Variants in APPBP2 observed in about 807,000 individuals in gnomAD.
APPBP2 encodes the protein amyloid beta precursor protein binding protein 2, also known as amyloid protein-binding protein 2.
A neutral mutation model predicts 76.0 loss-of-function variants in APPBP2; 15 were observed. The ratio of observed to expected loss-of-function variants is 0.20; its 90% CI spans 0.13 to 0.30. The LOEUF (loss-of-function observed/expected upper bound fraction) is 0.30. Among genes scored for constraint, APPBP2 ranks in the 10% least tolerant of loss-of-function variants. The pLI is 1.00. For missense variants in APPBP2, 401 were observed against 687.2 expected, an observed-to-expected ratio of 0.58 and a Z score of 4.66; for synonymous variants, 222 against 242.2, an observed-to-expected ratio of 0.92 and a Z score of 0.77.
At chr17:60,493,826 AGACAG>A (rs534277331) in intron 3 of APPBP2, among the ~76,000 whole-genome samples, 16 of 152,032 alleles carry the variant, frequency 1.1e-4, no homozygotes, top group African/African-American at 3.9e-4. Context: ...TTTTTACTAG[AGACAG>A]GATTTCGCCA....
At chr17:60,464,231 A>AGTTT in intron 5 of APPBP2, 121 bp from the exon 6 acceptor site, 1 of 685,540 alleles carries the variant, frequency 1.5e-6, no homozygotes, top group Non-Finnish European at 2.5e-6. Flanking sequence ...AAATATTTAC[A>AGTTT]GTTAGAATTT....
At chr17:60,504,249 GA>G (rs1406188485) in intron 1 of APPBP2, among the ~76,000 whole-genome samples, 2 of 152,048 alleles carry the variant, frequency 1.3e-5, no homozygotes, top group African/African-American at 4.8e-5. Flanking sequence ...CTTATTTCTA[GA>G]AGTAGGCAAA....
At chr17:60,491,809 G>A (rs987713249) in intron 3 of APPBP2, among the ~76,000 whole-genome samples, 2 of 152,122 alleles carry the variant, frequency 1.3e-5, no homozygotes, top group African/African-American at 2.4e-5. Context: ...CTCAGGATGC[G>A]ATAGAAAAGA....
At chr17:60,507,945 A>T (rs1251902046) in intron 1 of APPBP2, among the ~76,000 whole-genome samples, 1 of 148,472 alleles carries the variant, frequency 6.7e-6, no homozygotes. Context: ...ACCCTGCTAC[A>T]CCCAGCCAAG....
intron 3 of APPBP2, 144 bp from the exon 4 acceptor site, chr17:60,479,415 CT>C: frequency 1.2e-6 from 1 of 846,198 alleles, no homozygotes; most frequent in East Asian, 2.9e-5. Context: ...CAGGTATGAA[CT>C]GTGAGATTTT....
chr17:60,485,790 G>A (rs1354058302), intron 3 of APPBP2, among the ~76,000 whole-genome samples: 1 of 152,038 alleles, frequency 6.6e-6, no homozygotes, highest in Admixed American at 6.6e-5. Context: ...AATTGTGATG[G>A]TAGGGTGTGA....
At chr17:60,454,211 G>T in intron 11 of APPBP2, 91 bp downstream of exon 11, 1 of 953,440 alleles carries the variant, frequency 1.0e-6, no homozygotes, top group Non-Finnish European at 1.5e-6. Context: ...TGCAATAAGT[G>T]TATAATTTAT....
At chr17:60,453,816 A>G (rs2090413793) in intron 11 of APPBP2, among the ~76,000 whole-genome samples, 1 of 152,134 alleles carries the variant, frequency 6.6e-6, no homozygotes, top group South Asian at 2.1e-4. Context: ...GATTACAGGC[A>G]TAAGCCACTG....
intron 8 of APPBP2, 52 bp downstream of exon 8, chr17:60,461,758 G>T: frequency 1.5e-6 from 2 of 1,347,782 alleles, no homozygotes; most frequent in Non-Finnish European, 2.1e-6. Flanking sequence ...AACAAATACA[G>T]GTCAGCAAGT....
chr17:60,501,263 A>AT (rs2090820948), intron 1 of APPBP2, among the ~76,000 whole-genome samples: 1 of 152,160 alleles, frequency 6.6e-6, no homozygotes, highest in African/African-American at 2.4e-5. Context: ...CCTGGGCAAC[A>AT]TAGTGACACC....
chr17:60,449,762 GA>G (rs1280910179), intron 12 of APPBP2, among the ~76,000 whole-genome samples: 4 of 151,730 alleles, frequency 2.6e-5, no homozygotes, highest in Non-Finnish European at 4.4e-5. Flanking sequence ...TAATTTTCTA[GA>G]AAAAAATATC....
At chr17:60,513,809 C>T (rs1598375531) in intron 1 of APPBP2, among the ~76,000 whole-genome samples, 1 of 151,222 alleles carries the variant, frequency 6.6e-6, no homozygotes, top group East Asian at 1.9e-4. Flanking sequence ...GTTGCAGATG[C>T]CACTGCAATC....
chr17:60,454,727 C>T (rs9907768), intron 10 of APPBP2, among the ~76,000 whole-genome samples: 11,941 of 152,008 alleles, frequency 0.079, 1,583 homozygotes, highest in African/African-American at 0.27. Context: ...ATGGTATAAA[C>T]GATTTTGCAG....
intron 1 of APPBP2, among the ~76,000 whole-genome samples, chr17:60,507,457 C>G (rs939739311): frequency 3.9e-5 from 6 of 152,028 alleles, no homozygotes; most frequent in Non-Finnish European, 5.9e-5. Flanking sequence ...CCTGACCTCA[C>G]GTGAGCTGCC....
At chr17:60,462,559 A>G (rs1388550328) in intron 6 of APPBP2, 3 of 155,434 alleles carry the variant, frequency 1.9e-5, no homozygotes, top group Non-Finnish European at 4.3e-5. Flanking sequence ...TCCTGGCTAC[A>G]GGGATGTGCC....
chr17:60,505,352 G>A (rs981645951), intron 1 of APPBP2, among the ~76,000 whole-genome samples: 1 of 152,344 alleles, frequency 6.6e-6, no homozygotes, highest in Non-Finnish European at 1.5e-5. Context: ...GTCTCGCTCT[G>A]TCGCCTAGGT....
Position 60,494,313 on chromosome 17 carries a change from G to C in APPBP2, c.379+153C>G, listed in dbSNP as rs190741449. 2.4e-4 allele frequency among the ~76,000 whole-genome samples: 36 copies of C among 152,358 alleles called. No individual in the cohort carries two copies. The East Asian group carries it at 6.0e-3, about 25-fold the overall frequency. On this transcript the variant is annotated intron_variant, in intron 3 of 12. Coordinates refer to ENST00000083182, the MANE Select transcript of APPBP2 (RefSeq NM_006380.5). ...TAGAAAGATACTATTTAAATGTATA[G>C]TATAATGCTTTGGCATGGGGTTAAG...
At chr17:60,470,345 G>C (rs1309088893) in intron 4 of APPBP2, among the ~76,000 whole-genome samples, 1 of 151,278 alleles carries the variant, frequency 6.6e-6, no homozygotes, top group African/African-American at 2.4e-5. Context: ...CTACAGCCAT[G>C]ATCTCCTGGG....
At chr17:60,499,768 T>C (rs973139117) in intron 2 of APPBP2, among the ~76,000 whole-genome samples, 1 of 149,796 alleles carries the variant, frequency 6.7e-6, no homozygotes, top group Non-Finnish European at 1.5e-5. Context: ...TACTACAACA[T>C]AGATAAACCT....
Sources: allele counts gnomAD v4.1 joint callset (sites outside exome capture counted in the v4.1 genomes callset), GRCh38; gene constraint gnomAD v4.1.1; transcripts MANE v1.5; gene names NCBI Gene and HGNC (gene_info 2026-07-23, HGNC 2026-07-21).